Variants in TRIML1 observed in about 807,000 individuals in gnomAD.
TRIML1 encodes probable E3 ubiquitin-protein ligase TRIML1.
TRIML1 carries 34 observed loss-of-function variants against 32.3 expected under a neutral mutation model. That is an observed-to-expected ratio of 1.05 (90% confidence interval 0.80 to 1.40). The LOEUF (loss-of-function observed/expected upper bound fraction) is 1.40. Among genes scored for constraint, TRIML1 ranks in the 40% most tolerant of loss-of-function variants. The probability of loss-of-function intolerance (pLI) is 0.00; values close to 1 mark genes in which losing one functional copy is unlikely to be tolerated. For missense variants in TRIML1, 595 were observed against 574.9 expected, an observed-to-expected ratio of 1.03 and a Z score of -0.36; for synonymous variants, 244 against 226.6, an observed-to-expected ratio of 1.08 and a Z score of -0.69.
Position 188,139,588 on chromosome 4 carries a change from C to T in TRIML1, c.30C>T (p.Leu10=). Residue 10 remains leucine (L), a synonymous_variant, in exon 1 of 6, where the codon CTC becomes CTT. Coordinates refer to ENST00000332517, the MANE Select transcript of TRIML1 (RefSeq NM_178556.5). ...CTACAGCAGATCTGATGGAGAACCT[C>T]AGGGAGGAACTCACCTGTTTCATCT... MSTADLMEN[L]REELTCFICL... 1 of 1,601,820 alleles carries T rather than the reference C, an allele frequency of 6.2e-7. No individual in the cohort carries two copies. The highest frequency in any genetic ancestry group is 8.5e-7 in the Non-Finnish European group (1 of 1,172,322).
intron 2 of TRIML1, 187 bp downstream of exon 2, chr4:188,140,810 A>G (rs1362290624): frequency 3.6e-6 from 2 of 551,006 alleles, no homozygotes; most frequent in African/African-American, 1.9e-5. Context: ...CTCAGCTGCA[A>G]TTCGCCCCCT....
At position 188,139,735 on chromosome 4, in the gene TRIML1, C is replaced by T. The variant is rs752681954; in HGVS notation, c.177C>T (p.Thr59=). 7 of 1,613,848 alleles carry T rather than the reference C, an allele frequency of 4.3e-6. No individual in the cohort carries two copies. In the East Asian group the frequency reaches 6.7e-5, roughly 15 times the overall value. The change falls in exon 1 of 6, where the codon ACC becomes ACT. Residue 59 remains threonine, a synonymous_variant. Coordinates refer to ENST00000332517, the MANE Select transcript of TRIML1 (RefSeq NM_178556.5). ...TATCTTGTCCTGAGTGCTGGAGGAC[C>T]TTGGAGGGCCCGCATTTCCAGTCAA... The part of the protein sequence containing the change: ...TPLSCPECWR[T]LEGPHFQSNE...
chr4:188,142,151 G>A (rs1734879465), intron 2 of TRIML1, 101 bp from the exon 3 acceptor site: 1 of 785,770 alleles, frequency 1.3e-6, no homozygotes, highest in Non-Finnish European at 2.0e-6. Context: ...GAAACTCTAG[G>A]ACTTGTAAGG....
intron 5 of TRIML1, among the ~76,000 whole-genome samples, chr4:188,146,238 A>G (rs1441274216): frequency 1.3e-5 from 2 of 152,136 alleles, no homozygotes; most frequent in African/African-American, 4.8e-5. Flanking sequence ...TCGGAGCTCT[A>G]AAGATGTCCT....
intron 1 of TRIML1, among the ~76,000 whole-genome samples, 165 bp downstream of exon 1, chr4:188,140,131 T>G (rs1560969783): frequency 1.4e-5 from 2 of 139,874 alleles, no homozygotes; most frequent in African/African-American, 5.1e-5. Context: ...TTTCCCTTTT[T>G]TTGTTTTTGA....
intron 3 of TRIML1, chr4:188,143,564 T>G: frequency 6.3e-6 from 3 of 472,982 alleles, no homozygotes; most frequent in Non-Finnish European, 1.2e-5. Context: ...ACAGGTTGGC[T>G]TGTTTGCAGA....
At chr4:188,150,187 A>T (rs535164126), downstream of TRIML1, among the ~76,000 whole-genome samples, 5 of 151,606 alleles carry the variant, frequency 3.3e-5, no homozygotes, top group Non-Finnish European at 7.4e-5. Context: ...GTGAAGTGGC[A>T]TGATCTCGGC....
chr4:188,137,916 C>CTTTTTTTTTTTTTTTT (rs1298700958), upstream of TRIML1, among the ~76,000 whole-genome samples: 2 of 131,522 alleles, frequency 1.5e-5, no homozygotes, highest in South Asian at 2.4e-4. Context: ...CCTGGCCAAA[C>CTTTTTTTTTTTTTTTT]TTTTTTTCTT....
chr4:188,147,209 C>G lies in TRIML1; in HGVS notation c.1244C>G (p.Ser415Cys). 1 of 1,613,764 alleles carries G rather than the reference C, an allele frequency of 6.2e-7. No homozygotes were observed. The highest frequency in any genetic ancestry group is 1.3e-5 in the African/African-American group (1 of 75,040). Residue 415 changes from serine to cysteine, a missense_variant, in exon 6 of 6, where the codon TCT becomes TGT. Coordinates refer to ENST00000332517, the MANE Select transcript of TRIML1 (RefSeq NM_178556.5). ...CKVGVFLDYE[S>C]GHIAFYNGTD... ...GTTGGTGTCTTCCTGGACTATGAATCTGGACATATAGCATTCTACAACGGG... is the reference window on the plus strand; with the variant it reads ...GTTGGTGTCTTCCTGGACTATGAATGTGGACATATAGCATTCTACAACGGG...
Position 188,144,709 on chromosome 4 carries a change from C to T in TRIML1, c.856+576C>T, listed in dbSNP as rs371645770. ...GTTTTGTCATTGTCTTTTCCATCCCCCCCTTGCACGTGCAGACACGCCCCC... is the reference window on the plus strand; with the variant it reads ...GTTTTGTCATTGTCTTTTCCATCCCTCCCTTGCACGTGCAGACACGCCCCC... On this transcript the variant is annotated intron_variant, in intron 5 of 5. Transcript: ENST00000332517. Among the ~76,000 whole-genome samples the T allele has an allele frequency of 1.1e-4, 16 of 152,156 alleles. No individual in the cohort carries two copies. In the East Asian group the frequency reaches 2.5e-3, roughly 24 times the overall value.
downstream of TRIML1, among the ~76,000 whole-genome samples, chr4:188,150,688 G>A (rs1303192368): frequency 2.0e-5 from 3 of 151,658 alleles, no homozygotes; most frequent in South Asian, 2.1e-4. Context: ...AAAGAGTCTA[G>A]CCTAATTTTT....
chr4:188,139,704 C>T lies in TRIML1; in HGVS notation c.146C>T (p.Thr49Ile), dbSNP rs1004797667. The T allele has an allele frequency of 8.7e-6, 14 of 1,613,978 alleles. No individual in the cohort carries two copies. Among genetic ancestry groups the T allele is most frequent in the African/African-American group, 8.0e-5 (6 of 74,920 alleles). The stretch of plus-strand genomic sequence containing the variant: ...CTCAGGAGCTGGGAGGAACATAACA[C>T]ACCTTTATCTTGTCCTGAGTGCTGG... ...CLLRSWEEHN[T>I]PLSCPECWRT... Residue 49 changes from threonine to isoleucine, a missense_variant, in exon 1 of 6, where the codon ACA becomes ATA. Physicochemically the swap from Thr to Ile is moderately conservative, Grantham distance 89. Transcript: ENST00000332517.
upstream of TRIML1, among the ~76,000 whole-genome samples, chr4:188,138,891 C>T (rs184725550): frequency 1.3e-4 from 20 of 152,016 alleles, no homozygotes; most frequent in African/African-American, 2.4e-4. Flanking sequence ...ATTCATCGTG[C>T]GCCTAACACC....
upstream of TRIML1, among the ~76,000 whole-genome samples, chr4:188,138,272 C>T (rs1734722892): frequency 6.6e-6 from 1 of 152,040 alleles, no homozygotes. Flanking sequence ...ATCCAACATC[C>T]TGTTGGAGGT....
rs181092621 is a variant in TRIML1, at chr4:188,139,995, C to T, written c.408+29C>T. 95 of 1,556,616 alleles carry T rather than the reference C, an allele frequency of 6.1e-5. 1 individual carries two copies. The East Asian group carries it at 1.6e-3, about 26-fold the overall frequency. On this transcript the variant is annotated intron_variant, in intron 1 of 5. Coordinates refer to ENST00000332517, the MANE Select transcript of TRIML1 (RefSeq NM_178556.5). Reference sequence around the variant, plus strand: ...AGACAGCTGCTCAGCATGAACCCCACGACTCATCGCAGCTAACTCCGTTAG... The same window carrying T: ...AGACAGCTGCTCAGCATGAACCCCATGACTCATCGCAGCTAACTCCGTTAG...
chr4:188,145,441 CAAAAAAAAAAAAA>C (rs869253721), intron 5 of TRIML1, among the ~76,000 whole-genome samples: 1 of 34,320 alleles, frequency 2.9e-5, no homozygotes, highest in Non-Finnish European at 4.8e-5. Context: ...GACTCCGTCT[CAAAAAAAAAAAAA>C]AAAAAAAAAA....
intron 5 of TRIML1, among the ~76,000 whole-genome samples, chr4:188,144,869 CTG>C (rs1261998245): frequency 6.6e-6 from 1 of 152,156 alleles, no homozygotes; most frequent in Non-Finnish European, 1.5e-5. Context: ...CCAGCCAACA[CTG>C]AGAGACGTCA....
intron 5 of TRIML1, among the ~76,000 whole-genome samples, chr4:188,144,529 A>AT (rs1269959863): frequency 1.5e-5 from 2 of 137,528 alleles, no homozygotes; most frequent in Admixed American, 7.3e-5. Flanking sequence ...CGCCTGGGTA[A>AT]TTTTTTGTAT....
At chr4:188,137,659 T>C (rs1041911823), upstream of TRIML1, among the ~76,000 whole-genome samples, 2 of 151,918 alleles carry the variant, frequency 1.3e-5, no homozygotes, top group South Asian at 2.1e-4. Flanking sequence ...GTATTTTTAG[T>C]AGAGACGGAG....
Sources: allele counts gnomAD v4.1 joint callset (sites outside exome capture counted in the v4.1 genomes callset), GRCh38; gene constraint gnomAD v4.1.1; transcripts MANE v1.5; gene names NCBI Gene and HGNC (gene_info 2026-07-23, HGNC 2026-07-21).